IFT43: variants seen among roughly 807,000 people sequenced by gnomAD.
IFT43 encodes the protein intraflagellar transport 43.
Under a neutral mutation model 32.3 loss-of-function variants are expected in IFT43, and 33 were observed. The observed-to-expected ratio is 1.02, with a 90% confidence interval of 0.77 to 1.37. The LOEUF (loss-of-function observed/expected upper bound fraction) is 1.37. Among genes scored for constraint, IFT43 ranks in the 40% most tolerant of loss-of-function variants. The probability of loss-of-function intolerance (pLI) is 0.00; values close to 1 mark genes in which losing one functional copy is unlikely to be tolerated. For missense variants in IFT43, 274 were observed against 265.9 expected, an observed-to-expected ratio of 1.03 and a Z score of -0.21; for synonymous variants, 93 against 98.2, an observed-to-expected ratio of 0.95 and a Z score of 0.31.
At position 76,083,498 on chromosome 14, in the gene IFT43, T is replaced by A; in HGVS notation, c.548T>A (p.Val183Glu). 1 of 1,613,926 alleles carries A rather than the reference T, an allele frequency of 6.2e-7. No homozygotes were observed. Among genetic ancestry groups the A allele is most frequent in the Non-Finnish European group, 8.5e-7 (1 of 1,179,830 alleles). The change falls in exon 9 of 9, where the codon GTG becomes GAG. Residue 183 changes from valine to glutamate, a missense_variant. Coordinates refer to ENST00000314067, the MANE Select transcript of IFT43 (RefSeq NM_001102564.3). ...GACTGGGACCATCTGTTCACTGAGG[T>A]GTCCTCAGAGGTCCTCACTGAGTGG... ...GWDWDHLFTE[V>E]SSEVLTEWDP...
intron 3 of IFT43, among the ~76,000 whole-genome samples, chr14:76,043,471 A>ATT (rs571213911): frequency 0.013 from 1,879 of 146,348 alleles, 48 homozygotes; most frequent in African/African-American, 0.044. Context: ...AGGTATCACG[A>ATT]TTTTTTTTTT....
At chr14:76,083,184 C>T in intron 7 of IFT43, 43 bp from the exon 8 acceptor site, 1 of 1,612,958 alleles carries the variant, frequency 6.2e-7, no homozygotes, top group Non-Finnish European at 8.5e-7. Context: ...GCCTGAAAGC[C>T]CTCAAGGTGC....
intron 5 of IFT43, among the ~76,000 whole-genome samples, chr14:76,069,855 GGCATGCC>G (rs1445437843): frequency 5.2e-4 from 79 of 152,202 alleles, no homozygotes; most frequent in African/African-American, 1.9e-3. Flanking sequence ...CAGGCACCTG[GGCATGCC>G]TCACCCCCAC....
chr14:76,067,323 T>C (rs2037241511), intron 5 of IFT43, among the ~76,000 whole-genome samples: 1 of 152,104 alleles, frequency 6.6e-6, no homozygotes, highest in Non-Finnish European at 1.5e-5. Flanking sequence ...CTCAGCACTT[T>C]GGGAGACCGA....
intron 3 of IFT43, among the ~76,000 whole-genome samples, chr14:76,051,945 C>T (rs1214482168): frequency 2.0e-5 from 3 of 152,162 alleles, no homozygotes; most frequent in Non-Finnish European, 4.4e-5. Context: ...ACCATTCATC[C>T]AAACCCTTCA....
chr14:76,049,895 A>T (rs950933479), intron 3 of IFT43, among the ~76,000 whole-genome samples: 1 of 152,154 alleles, frequency 6.6e-6, no homozygotes, highest in Non-Finnish European at 1.5e-5. Context: ...TCCCTGATCA[A>T]TGTCAGTGTA....
chr14:76,005,848 G>T (rs1308367067), intron 2 of IFT43, among the ~76,000 whole-genome samples: 4 of 152,132 alleles, frequency 2.6e-5, no homozygotes, highest in African/African-American at 9.7e-5. Context: ...TCTTCTAATA[G>T]TGGTTTTATA....
intron 2 of IFT43, among the ~76,000 whole-genome samples, chr14:75,992,843 G>A (rs999419831): frequency 3.3e-5 from 5 of 152,090 alleles, no homozygotes; most frequent in African/African-American, 1.2e-4. Context: ...ACCCAACCTG[G>A]AGAAAAGTTT....
chr14:76,029,851 TTTTTA>T (rs58097236), intron 3 of IFT43, among the ~76,000 whole-genome samples: 2,876 of 117,416 alleles, frequency 0.024, 71 homozygotes, highest in African/African-American at 0.067. Context: ...TTTATTTTTA[TTTTTA>T]TTTTATTTTA....
At chr14:76,068,142 G>A (rs2037258072) in intron 5 of IFT43, among the ~76,000 whole-genome samples, 1 of 152,226 alleles carries the variant, frequency 6.6e-6, no homozygotes, top group African/African-American at 2.4e-5. Flanking sequence ...ATGGCCATGA[G>A]TTCAGAAGAG....
intron 3 of IFT43, among the ~76,000 whole-genome samples, chr14:76,042,533 C>T (rs1203859492): frequency 1.3e-5 from 2 of 152,240 alleles, no homozygotes; most frequent in Non-Finnish European, 2.9e-5. Context: ...CTAAGCCCTT[C>T]CTAGCATCCT....
chr14:76,077,004 C>T (rs1250277383), intron 5 of IFT43, among the ~76,000 whole-genome samples: 3 of 151,882 alleles, frequency 2.0e-5, no homozygotes, highest in Non-Finnish European at 4.4e-5. Context: ...ATGGGTTTCC[C>T]ATTTGGCAAT....
intron 5 of IFT43, 162 bp downstream of exon 5, chr14:76,059,535 A>G: frequency 1.4e-6 from 1 of 702,108 alleles, no homozygotes; most frequent in Non-Finnish European, 2.6e-6. Flanking sequence ...GAATGCTGCC[A>G]CCTCTACCTG....
chr14:76,009,350 A>T (rs1029047747), intron 2 of IFT43, among the ~76,000 whole-genome samples: 1 of 152,250 alleles, frequency 6.6e-6, no homozygotes, highest in Non-Finnish European at 1.5e-5. Context: ...CATAAGATTC[A>T]GCAAATAATC....
intron 2 of IFT43, 111 bp from the exon 3 acceptor site, chr14:76,022,216 A>G (rs1054508898): frequency 2.0e-5 from 19 of 962,716 alleles, no homozygotes; most frequent in East Asian, 5.6e-5. Flanking sequence ...GCACCACTGC[A>G]CTCCAGCCTG....
intron 2 of IFT43, among the ~76,000 whole-genome samples, chr14:75,992,194 C>A (rs570259761): frequency 4.6e-5 from 7 of 152,300 alleles, no homozygotes; most frequent in African/African-American, 1.7e-4. Flanking sequence ...CAGGGCTTCG[C>A]ACCAGAGGAC....
rs577885112 is a variant in IFT43 at position 76,040,653 on chromosome 14, A to G, written c.216-17989A>G. Among the ~76,000 whole-genome samples the G allele has an allele frequency of 3.3e-5, 5 of 152,364 alleles. No individual in the cohort carries two copies. The South Asian group carries it at 1.0e-3, about 32-fold the overall frequency. On this transcript the variant is annotated intron_variant, in intron 3 of 8. Coordinates refer to ENST00000314067, the MANE Select transcript of IFT43 (RefSeq NM_001102564.3). ...CATTTACTTAGGCAAATGACTAAGC[A>G]TGAAATCTCTGGACTCTTGCACTTC...
intron 1 of IFT43, 34 bp from the exon 2 acceptor site, chr14:75,988,851 T>G (rs1444175897): frequency 1.2e-5 from 20 of 1,613,202 alleles, no homozygotes; most frequent in Non-Finnish European, 1.7e-5. Context: ...CAAATGACAT[T>G]TGGGTCAGCA....
At chr14:76,025,991 C>T (rs1454668549) in intron 3 of IFT43, among the ~76,000 whole-genome samples, 1 of 152,178 alleles carries the variant, frequency 6.6e-6, no homozygotes, top group African/African-American at 2.4e-5. Context: ...GCAAAGGAAA[C>T]TGTCAACAGA....
Sources: gnomAD v4.1 joint callset for allele counts (sites outside exome capture counted in the v4.1 genomes callset) on GRCh38, gnomAD v4.1.1 for gene constraint, MANE v1.5 for transcripts, NCBI Gene and HGNC (gene_info 2026-07-23, HGNC 2026-07-21) for gene names.